KIAA1328: variants seen among roughly 807,000 people sequenced by gnomAD.
KIAA1328 encodes the protein protein hinderin.
In KIAA1328, 52 loss-of-function variants were observed where a neutral mutation model predicts 68.1. The ratio of observed to expected loss-of-function variants is 0.76; its 90% CI spans 0.61 to 0.96. KIAA1328 has a LOEUF of 0.96. KIAA1328 is among the 40% of genes least tolerant of loss of function. The pLI is 0.00. For missense variants in KIAA1328, 641 were observed against 677.6 expected (o/e 0.95, Z 0.60); for synonymous variants, 232 against 239.4 (o/e 0.97, Z 0.28).
In KIAA1328 at chr18:37,172,998, T is replaced by C. The variant is rs373485197; in HGVS notation, c.1440T>C (p.Asp480=). The part of the protein sequence containing the change: ...QRGTVTGVRK[D]ASTSPMPTGS... ...GGACAGTGACAGGAGTTAGAAAAGATGCGTCTACATCTCCTATGCCAACAG... is the reference window on the plus strand; with the variant it reads ...GGACAGTGACAGGAGTTAGAAAAGACGCGTCTACATCTCCTATGCCAACAG... The change falls in exon 9 of 10, where the codon GAT becomes GAC. Residue 480 remains aspartate (D), a synonymous_variant. Coordinates refer to ENST00000280020, the MANE Select transcript of KIAA1328 (RefSeq NM_020776.3). 5.0e-6 allele frequency: 8 copies of C among 1,613,220 alleles called. No individual in the cohort carries two copies. In the African/African-American group the frequency reaches 1.1e-4, roughly 22 times the overall value.
chr18:37,112,049 G>A (rs146099350), intron 7 of KIAA1328, among the ~76,000 whole-genome samples: 16,196 of 152,252 alleles, frequency 0.11, 1,088 homozygotes, highest in Non-Finnish European at 0.13. Flanking sequence ...GGAACCTACC[G>A]CAGCTCAAGG....
chr18:37,094,128 T>G (rs1250284942), intron 7 of KIAA1328, among the ~76,000 whole-genome samples: 1 of 152,170 alleles, frequency 6.6e-6, no homozygotes, highest in Admixed American at 6.5e-5. Context: ...CTACATCCCT[T>G]GCATGCACAG....
Position 37,201,787 on chromosome 18 carries a change from C to T in KIAA1328, c.1524-20230C>T, listed in dbSNP as rs115390396. Among the ~76,000 whole-genome samples the T allele has an allele frequency of 1.5e-3, 222 of 152,224 alleles. 1 individual carries two copies. Among genetic ancestry groups the T allele is most frequent in the African/African-American group, 5.2e-3 (216 of 41,546 alleles). The stretch of plus-strand genomic sequence containing the variant: ...GAGGTCCCCAGAATATCTTGAGATT[C>T]CTGGCCTATCAGAAAGTGGCATTAT... On this transcript the variant is annotated intron_variant, in intron 9 of 9. Coordinates refer to ENST00000280020, the MANE Select transcript of KIAA1328 (RefSeq NM_020776.3).
chr18:37,222,175 C>T lies in KIAA1328; in HGVS notation c.1682C>T (p.Thr561Ile), dbSNP rs1280781420. 6.2e-7 allele frequency: 1 copy of T among 1,601,600 alleles called. No individual in the cohort carries two copies. ...CGGAAGAAGATGGGGATGCACAGAACCCCTGAAGAGTTGGAGGAGAATCAG... is the reference window on the plus strand; with the variant it reads ...CGGAAGAAGATGGGGATGCACAGAATCCCTGAAGAGTTGGAGGAGAATCAG... ...STRKKMGMHRTPEELEENQIL... is the reference protein window; with the variant it reads ...STRKKMGMHRIPEELEENQIL... Residue 561 changes from threonine (T) to isoleucine (I), a missense_variant, in exon 10 of 10, where the codon ACC (threonine) becomes ATC (isoleucine). Physicochemically the swap from Thr to Ile is moderately conservative, Grantham distance 89 (BLOSUM62 -1). Transcript: ENST00000280020.
At chr18:36,986,369 AC>A (rs1374531009) in intron 6 of KIAA1328, among the ~76,000 whole-genome samples, 2 of 151,580 alleles carry the variant, frequency 1.3e-5, no homozygotes, top group East Asian at 1.9e-4. Flanking sequence ...TAGACCTAAA[AC>A]CATAAAAACC....
chr18:37,167,640 G>C (rs1335456471), intron 8 of KIAA1328, among the ~76,000 whole-genome samples: 3 of 152,178 alleles, frequency 2.0e-5, no homozygotes, highest in African/African-American at 7.2e-5. Flanking sequence ...CCAGCTGCTT[G>C]TGTGCTCTTC....
chr18:37,080,646 G>A (rs1364939252), intron 7 of KIAA1328, among the ~76,000 whole-genome samples: 4 of 151,818 alleles, frequency 2.6e-5, no homozygotes, highest in Non-Finnish European at 2.9e-5. Flanking sequence ...ATGGTGGCAG[G>A]CACCTGTAAT....
At chr18:37,190,173 G>T (rs1599552334) in intron 9 of KIAA1328, among the ~76,000 whole-genome samples, 1 of 152,300 alleles carries the variant, frequency 6.6e-6, no homozygotes, top group Non-Finnish European at 1.5e-5. Flanking sequence ...TCTTTTTACT[G>T]CCAGAGCACT....
intron 7 of KIAA1328, among the ~76,000 whole-genome samples, chr18:37,100,870 G>A (rs1568406133): frequency 1.3e-5 from 2 of 152,142 alleles, no homozygotes; most frequent in African/African-American, 2.4e-5. Flanking sequence ...ACCAATATCC[G>A]CTGTTCTGCA....
chr18:37,170,046 A>G (rs959055172), intron 8 of KIAA1328, among the ~76,000 whole-genome samples: 4 of 152,060 alleles, frequency 2.6e-5, no homozygotes, highest in Admixed American at 6.6e-5. Context: ...TTCTACTCCT[A>G]TTTGTCTGTC....
chr18:36,942,211 C>T (rs1003150865), intron 5 of KIAA1328, among the ~76,000 whole-genome samples: 5 of 152,104 alleles, frequency 3.3e-5, no homozygotes, highest in East Asian at 1.9e-4. Flanking sequence ...GGCCTGTTGG[C>T]GCATATTTTA....
chr18:36,996,087 A>G (rs990880868), intron 6 of KIAA1328, among the ~76,000 whole-genome samples: 2 of 152,220 alleles, frequency 1.3e-5, no homozygotes, highest in African/African-American at 4.8e-5. Flanking sequence ...AGCTTTGCTA[A>G]GGTTAAGTAA....
intron 6 of KIAA1328, among the ~76,000 whole-genome samples, chr18:37,042,262 T>G (rs1322081977): frequency 6.6e-6 from 1 of 152,110 alleles, no homozygotes; most frequent in Non-Finnish European, 1.5e-5. Context: ...AATTGTCTTA[T>G]AAGGTAATTA....
At chr18:36,837,810 A>G (rs2046729928) in intron 3 of KIAA1328, among the ~76,000 whole-genome samples, 1 of 152,082 alleles carries the variant, frequency 6.6e-6, no homozygotes, top group African/African-American at 2.4e-5. Context: ...GTAGATATCC[A>G]GTTGTCCCAG....
At chr18:37,153,615 A>G (rs895084891) in intron 7 of KIAA1328, among the ~76,000 whole-genome samples, 2 of 149,144 alleles carry the variant, frequency 1.3e-5, no homozygotes, top group Admixed American at 1.3e-4. Flanking sequence ...AGCTGTGGCA[A>G]TCCAATAGCT....
chr18:37,090,270 T>G (rs2057231562), intron 7 of KIAA1328, among the ~76,000 whole-genome samples: 2 of 152,130 alleles, frequency 1.3e-5, no homozygotes, highest in South Asian at 4.1e-4. Context: ...CTAAGATAAT[T>G]TAAATATCCA....
intron 7 of KIAA1328, among the ~76,000 whole-genome samples, chr18:37,090,439 G>C (rs541809346): frequency 1.2e-4 from 18 of 152,182 alleles, no homozygotes; most frequent in African/African-American, 3.1e-4. Context: ...TTCTACAAAG[G>C]CTTCTCAAGG....
intron 6 of KIAA1328, among the ~76,000 whole-genome samples, chr18:37,020,354 C>A (rs1467005594): frequency 6.6e-6 from 1 of 152,164 alleles, no homozygotes. Flanking sequence ...AACTCTTGAC[C>A]TCAGGTTATC....
At chr18:36,837,682 G>A (rs898200642) in intron 3 of KIAA1328, among the ~76,000 whole-genome samples, 1 of 151,842 alleles carries the variant, frequency 6.6e-6, no homozygotes, top group Non-Finnish European at 1.5e-5. Context: ...ACAAATATTT[G>A]TGCCTATTTT....
Sources: gnomAD v4.1 joint callset for allele counts (sites outside exome capture counted in the v4.1 genomes callset) on GRCh38, gnomAD v4.1.1 for gene constraint, MANE v1.5 for transcripts, NCBI Gene and HGNC (gene_info 2026-07-23, HGNC 2026-07-21) for gene names.